TFCP2L1: variants seen among roughly 807,000 people sequenced by gnomAD.
The protein encoded by TFCP2L1 is transcription factor CP2-like protein 1.
In TFCP2L1, 12 loss-of-function variants were observed where a neutral mutation model predicts 72.2. The observed-to-expected ratio is 0.17, with a 90% confidence interval of 0.11 to 0.27. The LOEUF is 0.27. Among genes scored for constraint, TFCP2L1 ranks in the 10% least tolerant of loss-of-function variants. The pLI is 1.00. For missense variants in TFCP2L1, 488 were observed against 624.6 expected, an observed-to-expected ratio of 0.78 and a Z score of 2.33; for synonymous variants, 260 against 251.0, an observed-to-expected ratio of 1.04 and a Z score of -0.34.
At chr2:121,251,190 A>T (rs575784537) in intron 2 of TFCP2L1, among the ~76,000 whole-genome samples, 2 of 151,924 alleles carry the variant, frequency 1.3e-5, no homozygotes, top group South Asian at 2.1e-4. Flanking sequence ...CGGGAGGCAG[A>T]GGTTGCAGTG....
chr2:121,231,685 C>T (rs1686146264), intron 13 of TFCP2L1, 141 bp downstream of exon 13: 4 of 1,284,398 alleles, frequency 3.1e-6, no homozygotes, highest in Admixed American at 2.3e-5. Flanking sequence ...ATCGCAGCCC[C>T]GGACAGCCAC....
chr2:121,235,349 A>G (rs1300265321), intron 10 of TFCP2L1, 38 bp from the exon 11 acceptor site: 1 of 1,587,850 alleles, frequency 6.3e-7, no homozygotes, highest in East Asian at 2.3e-5. Flanking sequence ...GTTACATGGA[A>G]CCCAGAGAAA....
chr2:121,230,941 A>G (rs1686131727), intron 13 of TFCP2L1, among the ~76,000 whole-genome samples: 5 of 152,184 alleles, frequency 3.3e-5, no homozygotes, highest in Admixed American at 2.0e-4. Context: ...TTTAAAATAA[A>G]TAAATAAAGG....
intron 2 of TFCP2L1, among the ~76,000 whole-genome samples, chr2:121,280,416 C>T (rs746993922): frequency 2.6e-5 from 4 of 152,092 alleles, no homozygotes; most frequent in African/African-American, 9.7e-5. Flanking sequence ...GGGATGCTGA[C>T]GGTACTCAGT....
intron 2 of TFCP2L1, among the ~76,000 whole-genome samples, chr2:121,261,272 C>A (rs966055959): frequency 6.6e-6 from 1 of 152,214 alleles, no homozygotes; most frequent in East Asian, 1.9e-4. Flanking sequence ...TCATGTCTGG[C>A]GTAAGATGAA....
Position 121,216,969 on chromosome 2 carries a change from TC to T in TFCP2L1, c.*7371del, listed in dbSNP as rs1336903785. On this transcript the variant is annotated 3_prime_UTR_variant, in exon 15 of 15. Transcript: ENST00000263707. ...GGCACCCCAAACAGTCCCCTTCTCTTCTGTGGTTAACCAAGCAAGCCCCGCA... is the reference window on the plus strand; with the variant it reads ...GGCACCCCAAACAGTCCCCTTCTCTTTGTGGTTAACCAAGCAAGCCCCGCA... 6.6e-6 allele frequency: 1 copy of T among 152,328 alleles called. No individual in the cohort carries two copies. Among genetic ancestry groups the T allele is most frequent in the African/African-American group, 2.4e-5 (1 of 41,446 alleles). 9.4% of individuals were successfully genotyped at this position (152,328 alleles called of 1,614,324 possible). A position where few individuals can be genotyped will look rare whatever the true frequency, so the allele number is the denominator to read the frequency against.
chr2:121,239,710 G>A, intron 7 of TFCP2L1, 61 bp from the exon 8 acceptor site: 2 of 1,511,192 alleles, frequency 1.3e-6, no homozygotes, highest in Non-Finnish European at 1.8e-6. Context: ...TGCTCCCCAG[G>A]TCCTCCCAAG....
chr2:121,226,919 A>G (rs1366777302), intron 13 of TFCP2L1, among the ~76,000 whole-genome samples: 1 of 152,186 alleles, frequency 6.6e-6, no homozygotes, highest in East Asian at 1.9e-4. Flanking sequence ...TCTACATCAC[A>G]AAGACGGGCA....
At chr2:121,270,709 A>C (rs1337053709) in intron 2 of TFCP2L1, among the ~76,000 whole-genome samples, 1 of 147,914 alleles carries the variant, frequency 6.8e-6, no homozygotes, top group Non-Finnish European at 1.5e-5. Flanking sequence ...TGTTTGGGGG[A>C]AAAAAAAAAG....
At chr2:121,255,558 G>C (rs535174942) in intron 2 of TFCP2L1, among the ~76,000 whole-genome samples, 2 of 152,190 alleles carry the variant, frequency 1.3e-5, no homozygotes, top group Non-Finnish European at 1.5e-5. Context: ...AGGAAATTAA[G>C]TTCCAGAGAG....
intron 5 of TFCP2L1, among the ~76,000 whole-genome samples, chr2:121,247,447 A>G (rs1432286608): frequency 1.3e-5 from 2 of 152,110 alleles, no homozygotes; most frequent in African/African-American, 4.8e-5. Context: ...ATGGCACTCG[A>G]TATCAATGTA....
At chr2:121,284,812 A>T (rs1687333572) in intron 1 of TFCP2L1, among the ~76,000 whole-genome samples, 1 of 152,094 alleles carries the variant, frequency 6.6e-6, no homozygotes, top group African/African-American at 2.4e-5. Context: ...CCTCGCAGAC[A>T]TAGGGCTCTG....
chr2:121,269,068 T>C lies in TFCP2L1; in HGVS notation c.214+12052A>G, dbSNP rs1686990641. Reference sequence around the variant, plus strand: ...GATGGATATCAATAAAATCTTAAAGTGAAGAAGGCATTTCCTAAATGGGAC... The same window carrying C: ...GATGGATATCAATAAAATCTTAAAGCGAAGAAGGCATTTCCTAAATGGGAC... On this transcript the variant is annotated intron_variant, in intron 2 of 14. Transcript: ENST00000263707. 1.3e-5 allele frequency among the ~76,000 whole-genome samples: 2 copies of C among 151,792 alleles called. 1 individual carries two copies. The highest frequency in any genetic ancestry group is 4.2e-4 in the South Asian group (2 of 4,798).
Position 121,220,236 on chromosome 2 carries a change from G to C in TFCP2L1, c.*4105C>G, listed in dbSNP as rs1378765613. Reference sequence around the variant, plus strand: ...AAGCCTTCCCTAGGTTAATAGCTCTGTGTAAGGGGCTCTGGGCTGTCTGGG... The same window carrying C: ...AAGCCTTCCCTAGGTTAATAGCTCTCTGTAAGGGGCTCTGGGCTGTCTGGG... On this transcript the variant is annotated 3_prime_UTR_variant, in exon 15 of 15. Coordinates refer to ENST00000263707, the MANE Select transcript of TFCP2L1 (RefSeq NM_014553.3). The C allele has an allele frequency of 1.3e-5, 2 of 152,394 alleles. No individual in the cohort carries two copies. Among genetic ancestry groups the C allele is most frequent in the African/African-American group, 2.4e-5 (1 of 41,562 alleles). The allele number at this position is 152,394 out of a possible 1,614,324, so 9.4% of individuals were successfully genotyped here. A position where few individuals can be genotyped will look rare whatever the true frequency, so the allele number is the denominator to read the frequency against.
intron 6 of TFCP2L1, among the ~76,000 whole-genome samples, chr2:121,246,430 T>C (rs1686483185): frequency 1.3e-5 from 2 of 152,212 alleles, no homozygotes; most frequent in South Asian, 4.1e-4. Context: ...AGACTCTTGC[T>C]TTGATTTTTA....
At chr2:121,242,303 C>CCCTGCT in intron 7 of TFCP2L1, 56 bp downstream of exon 7, 2 of 1,479,994 alleles carry the variant, frequency 1.4e-6, no homozygotes, top group Non-Finnish European at 1.9e-6. Context: ...AAACCAGCAG[C>CCCTGCT]CCTGCTCCTG....
At chr2:121,284,007 G>A (rs1687316251) in intron 1 of TFCP2L1, among the ~76,000 whole-genome samples, 1 of 152,076 alleles carries the variant, frequency 6.6e-6, no homozygotes. Flanking sequence ...TCATTCCCCC[G>A]CCTCCAGGAA....
intron 2 of TFCP2L1, among the ~76,000 whole-genome samples, chr2:121,259,523 T>G (rs2104726746): frequency 6.6e-6 from 1 of 152,316 alleles, no homozygotes; most frequent in East Asian, 1.9e-4. Flanking sequence ...AGGATATACA[T>G]ACTAACCATA....
At chr2:121,275,634 A>G (rs949320641) in intron 2 of TFCP2L1, among the ~76,000 whole-genome samples, 1 of 146,160 alleles carries the variant, frequency 6.8e-6, no homozygotes, top group Non-Finnish European at 1.5e-5. Flanking sequence ...GCAGTGGCTC[A>G]ATCTTGGCTC....
Sources: allele counts gnomAD v4.1 joint callset (sites outside exome capture counted in the v4.1 genomes callset), GRCh38; gene constraint gnomAD v4.1.1; transcripts MANE v1.5; gene names NCBI Gene and HGNC (gene_info 2026-07-23, HGNC 2026-07-21).